AP3B2: variants seen among roughly 807,000 people sequenced by gnomAD.
AP3B2 encodes the protein AP-3 complex subunit beta-2.
In AP3B2, 50 loss-of-function variants were observed where a neutral mutation model predicts 126.9. That is an observed-to-expected ratio of 0.39 (90% confidence interval 0.31 to 0.50). AP3B2 has a LOEUF of 0.50. AP3B2 is among the 20% of genes least tolerant of loss of function. The pLI is 0.79. For synonymous variants in AP3B2, 541 were observed against 565.0 expected, an observed-to-expected ratio of 0.96 and a Z score of 0.60; for missense variants, 1,177 against 1,426.4, an observed-to-expected ratio of 0.83 and a Z score of 2.82.
chr15:82,669,168 C>T (rs2048107935), intron 14 of AP3B2, among the ~76,000 whole-genome samples: 1 of 152,078 alleles, frequency 6.6e-6, no homozygotes, highest in Non-Finnish European at 1.5e-5. Context: ...TGGTATATGA[C>T]TATATATGAT....
chr15:82,671,227 G>C (rs1221408140), intron 14 of AP3B2, among the ~76,000 whole-genome samples: 1 of 152,182 alleles, frequency 6.6e-6, no homozygotes, highest in African/African-American at 2.4e-5. Context: ...AGGTTGCAGT[G>C]AGCCAAGATC....
chr15:82,695,097 T>TTC (rs1555469043), intron 1 of AP3B2, among the ~76,000 whole-genome samples: 22,924 of 86,380 alleles, frequency 0.27, 2,086 homozygotes, highest in Non-Finnish European at 0.36. Flanking sequence ...CTTTCTTTCT[T>TTC]TTTTTTTTTT....
At chr15:82,693,971 G>T (rs901503249) in intron 1 of AP3B2, among the ~76,000 whole-genome samples, 8 of 151,680 alleles carry the variant, frequency 5.3e-5, no homozygotes, top group Admixed American at 2.6e-4. Flanking sequence ...AAAGTGCTGG[G>T]ATTACAGGTG....
chr15:82,677,566 ACATTGTGTCTAGG>A, intron 12 of AP3B2, 92 bp downstream of exon 12: 1 of 1,426,402 alleles, frequency 7.0e-7, no homozygotes. Context: ...CAATGGATAC[ACATTGTGTCTAGG>A]CAGACTGGTG....
Position 82,709,746 on chromosome 15 carries a change from G to A in AP3B2, c.-40C>T. 1.4e-6 allele frequency: 2 copies of A among 1,414,954 alleles called. No individual in the cohort carries two copies. Among genetic ancestry groups the A allele is most frequent in the Non-Finnish European group, 1.9e-6 (2 of 1,074,296 alleles). 87.6% of individuals were successfully genotyped at this position (1,414,954 alleles called of 1,614,324 possible). A position where few individuals can be genotyped will look rare whatever the true frequency, so the allele number is the denominator to read the frequency against. ...GACTTCGCCGAGGAGGAGGTTGCGG[G>A]GCCGGAGGCCGGCTGGAGCGGAGGA... On this transcript the variant is annotated 5_prime_UTR_variant, in exon 1 of 27. Transcript: ENST00000535359.
chr15:82,662,742 T>C lies in AP3B2; in HGVS notation c.2785A>G (p.Thr929Ala). 2.5e-6 allele frequency: 4 copies of C among 1,613,822 alleles called. No individual in the cohort carries two copies. The highest frequency in any genetic ancestry group is 3.4e-6 in the Non-Finnish European group (4 of 1,179,862). ...DTPIKGLHVG[T>A]PKLPAGISIQ... The stretch of plus-strand genomic sequence containing the variant: ...CTGATGCCAGCAGGCAGTTTGGGAG[T>C]GCCCACATGCAGGCCCTTGATGGGG... Residue 929 changes from threonine (T) to alanine (A), a missense_variant, in exon 23 of 27, where the codon ACT becomes GCT. Physicochemically the swap from Thr to Ala is moderately conservative, Grantham distance 58. Coordinates refer to ENST00000535359, the MANE Select transcript of AP3B2 (RefSeq NM_001278512.2).
rs142451880 is a variant in AP3B2, at chr15:82,706,066, G to A, written c.113+3528C>T. Among the ~76,000 whole-genome samples the A allele has an allele frequency of 1.1e-4, 16 of 152,260 alleles. No homozygotes were observed. In the East Asian group the frequency reaches 2.1e-3, roughly 20 times the overall value. ...ACCACGCCCTGTAGCCTTTCTGTCC[G>A]AACAACTTGACCTTACTGTTTTGGC... On this transcript the variant is annotated intron_variant, in intron 1 of 26. Coordinates refer to ENST00000535359, the MANE Select transcript of AP3B2 (RefSeq NM_001278512.2).
chr15:82,706,287 G>A (rs1232093919), intron 1 of AP3B2, among the ~76,000 whole-genome samples: 2 of 151,930 alleles, frequency 1.3e-5, no homozygotes, highest in South Asian at 2.1e-4. Context: ...GCCTTAACTC[G>A]AGCCCTCAGT....
At chr15:82,706,485 T>C (rs1410596819) in intron 1 of AP3B2, among the ~76,000 whole-genome samples, 1 of 152,192 alleles carries the variant, frequency 6.6e-6, no homozygotes, top group Non-Finnish European at 1.5e-5. Context: ...AGTCATTCAC[T>C]GCAAGGGCCA....
intron 14 of AP3B2, among the ~76,000 whole-genome samples, chr15:82,669,066 T>A (rs1228662841): frequency 2.0e-5 from 3 of 152,226 alleles, no homozygotes; most frequent in Non-Finnish European, 4.4e-5. Flanking sequence ...CACCAGTAGC[T>A]GCCTCCTGGT....
chr15:82,669,690 CA>C (rs144283693), intron 14 of AP3B2, among the ~76,000 whole-genome samples: 49,506 of 130,592 alleles, frequency 0.38, 8,397 homozygotes, highest in African/African-American at 0.4. Context: ...GACTCCGTTT[CA>C]AAAAAAAAAA....
intron 3 of AP3B2, 30 bp from the exon 4 acceptor site, chr15:82,688,861 G>A (rs544218548): frequency 7.0e-5 from 110 of 1,578,544 alleles, no homozygotes; most frequent in East Asian, 3.2e-4. Context: ...TCAGCAGAAC[G>A]CTTCTCAGCA....
chr15:82,680,594 G>A lies in AP3B2; in HGVS notation c.933C>T (p.Pro311=), dbSNP rs751897721. The A allele has an allele frequency of 6.3e-7, 1 of 1,595,352 alleles. No homozygotes were observed. The highest frequency in any genetic ancestry group is 1.1e-5 in the South Asian group (1 of 90,470). ...DHRLLLRNTK[P]LLQSRSAAVV... is the part of the protein sequence containing the mutation. ...CCGCGGCGCTGCGGCTCTGCAGCAG[G>A]GGTTTGGTGTTGCGCAGCAGCAGCC... The change falls in exon 8 of 27, where the codon CCC becomes CCT. Residue 311 remains proline, a synonymous_variant. Coordinates refer to ENST00000535359, the MANE Select transcript of AP3B2 (RefSeq NM_001278512.2). This position sits in a 1 kb window ranked among gnomAD's most constrained non-coding sequence, Gnocchi z 6.1.
intron 1 of AP3B2, chr15:82,699,953 A>T (rs2151459425): frequency 2.5e-6 from 1 of 398,816 alleles, no homozygotes; most frequent in East Asian, 3.6e-5. Flanking sequence ...GCCCGCCCCC[A>T]AAACTTGGTA....
rs910032287 is a variant in AP3B2 at position 82,688,405 on chromosome 15, G to T, written c.360+331C>A. ...CACAATTCACACCTTTACACAAAGGGGGGTGAGGGTTGAGGGGTTCTCCAT... is the reference window on the plus strand; with the variant it reads ...CACAATTCACACCTTTACACAAAGGTGGGTGAGGGTTGAGGGGTTCTCCAT... On this transcript the variant is annotated intron_variant, in intron 4 of 26. Coordinates refer to ENST00000535359, the MANE Select transcript of AP3B2 (RefSeq NM_001278512.2). The T allele has an allele frequency of 8.5e-6, 6 of 702,096 alleles. 1 individual carries two copies. Among genetic ancestry groups the T allele is most frequent in the South Asian group, 4.4e-5 (3 of 67,588 alleles). 43.5% of individuals were successfully genotyped at this position (702,096 alleles called of 1,614,324 possible).
chr15:82,697,676 A>C (rs575736796), intron 1 of AP3B2, among the ~76,000 whole-genome samples: 57 of 152,344 alleles, frequency 3.7e-4, no homozygotes, highest in African/African-American at 1.3e-3. Context: ...GCAAAATAGA[A>C]AGATGATGCC....
rs2047893453 is a variant in AP3B2, at chr15:82,659,306, T to A, written c.*254A>T. On this transcript the variant is annotated 3_prime_UTR_variant, in exon 27 of 27. Transcript: ENST00000535359. ...TAGAGAGAAGACATTTTATTGAGCCTGCTACATAAATAGCTACAGAAATCT... is the reference window on the plus strand; with the variant it reads ...TAGAGAGAAGACATTTTATTGAGCCAGCTACATAAATAGCTACAGAAATCT... 8.9e-6 allele frequency: 4 copies of A among 448,278 alleles called. No individual in the cohort carries two copies. Among genetic ancestry groups the A allele is most frequent in the Non-Finnish European group, 1.6e-5 (4 of 250,450 alleles). The allele number at this position is 448,278 out of a possible 1,614,324, so 27.8% of individuals were successfully genotyped here.
At chr15:82,667,268 T>C (rs1473195277) in intron 14 of AP3B2, among the ~76,000 whole-genome samples, 2 of 152,204 alleles carry the variant, frequency 1.3e-5, no homozygotes, top group Middle Eastern at 3.2e-3. Flanking sequence ...CCAGCCTCTT[T>C]ACTCTAGGGC....
rs546715552 is a variant in AP3B2, at chr15:82,688,041, C to A, written c.360+695G>T. 191 of 165,754 alleles carry A rather than the reference C, an allele frequency of 1.2e-3. 1 individual carries two copies. The highest frequency in any genetic ancestry group is 4.3e-3 in the African/African-American group (179 of 41,804). The allele number at this position is 165,754 out of a possible 1,614,324, so 10.3% of individuals were successfully genotyped here. A position where few individuals can be genotyped will look rare whatever the true frequency, so the allele number is the denominator to read the frequency against. On this transcript the variant is annotated intron_variant, in intron 4 of 26. Coordinates refer to ENST00000535359, the MANE Select transcript of AP3B2 (RefSeq NM_001278512.2). ...TCACCTGAGCTCAGGGAAGTCGAGG[C>A]TCCAGTGAGCCATGATTGCACCACT...
Sources: gnomAD v4.1 joint callset for allele counts (sites outside exome capture counted in the v4.1 genomes callset) on GRCh38, gnomAD v4.1.1 for gene constraint, Gnocchi (gnomAD v3.1) non-coding constraint, MANE v1.5 for transcripts, NCBI Gene and HGNC (gene_info 2026-07-23, HGNC 2026-07-21) for gene names.